The following MUC17 variants were observed in gnomAD, a reference collection of about 807,000 sequenced individuals.
MUC17 encodes mucin-17.
MUC17 carries 190 observed loss-of-function variants against 170.3 expected under a neutral mutation model. The ratio of observed to expected loss-of-function variants is 1.12; its 90% CI spans 0.99 to 1.26. MUC17 has a LOEUF of 1.26. Ranked by LOEUF, MUC17 falls within the 50% of genes most tolerant of loss-of-function variation. MUC17 has a pLI of 0.00. For synonymous variants in MUC17, 2,325 were observed against 2,002.5 expected (o/e 1.16, Z -4.30); for missense variants, 6,415 against 5,530.0 (o/e 1.16, Z -5.08).
At position 101,040,632 on chromosome 7, in the gene MUC17, C is replaced by T. The variant is rs550799591; in HGVS notation, c.9216C>T (p.Asp3072=). Residue 3072 remains aspartate, a synonymous_variant, in exon 3 of 13, where the codon GAC becomes GAT. Transcript: ENST00000306151. ...GCACCCTTTCAACAACTCCTGTTGA[C>T]TCCAACAGTCCTGTGGTCACTTCTA... ...EASTLSTTPV[D]SNSPVVTSTE... 6.2e-7 allele frequency: 1 copy of T among 1,612,132 alleles called. No individual in the cohort carries two copies. The highest frequency in any genetic ancestry group is 2.2e-5 in the East Asian group (1 of 44,844).
In MUC17 at chr7:101,051,868, C is replaced by T. The variant is rs992503348; in HGVS notation, c.13009C>T (p.Pro4337Ser). The T allele has an allele frequency of 1.9e-6, 3 of 1,614,210 alleles. No individual in the cohort carries two copies. The East Asian group carries it at 6.7e-5, about 36-fold the overall frequency. The change falls in exon 9 of 13, where the codon CCA becomes TCA. Residue 4337 changes from proline to serine, a missense_variant. Transcript: ENST00000306151. The stretch of plus-strand genomic sequence containing the variant: ...CGTAGTGGAGTACCGGGACCAGAAG[C>T]CATACTGCATCAGCCCCTGTGAGCC... ...YFVVEYRDQK[P>S]YCISPCEPGF...
In MUC17 at chr7:101,035,245, A is replaced by G; in HGVS notation, c.3829A>G (p.Ser1277Gly). 1 of 1,609,402 alleles carries G rather than the reference A, an allele frequency of 6.2e-7. No homozygotes were observed. Among genetic ancestry groups the G allele is most frequent in the South Asian group, 1.1e-5 (1 of 90,838 alleles). ...GCCAACCTCAACTACTAGTGAAGGA[A>G]GTACTCTATTAACAAGTATACCTGT... ...SLPTSTTSEG[S>G]TLLTSIPVST... Residue 1277 changes from serine (S) to glycine (G), a missense_variant, in exon 3 of 13, where the codon AGT (serine) becomes GGT (glycine). Transcript: ENST00000306151.
rs1472674245 is a variant in MUC17, at chr7:101,036,926, G to C, written c.5510G>C (p.Ser1837Thr). 6 of 1,611,618 alleles carry C rather than the reference G, an allele frequency of 3.7e-6. No individual in the cohort carries two copies. The highest frequency in any genetic ancestry group is 1.7e-4 in the Middle Eastern group (1 of 6,028). The change falls in exon 3 of 13, where the codon AGT becomes ACT. Residue 1837 changes from serine (S) to threonine (T), a missense_variant. By Grantham distance (58) the Ser-to-Thr change is moderately conservative. Transcript: ENST00000306151. ...TLSTTPVDSNSPVVTSTAVSS... is the reference protein window; with the variant it reads ...TLSTTPVDSNTPVVTSTAVSS... ...TCAACAACTCCTGTTGACTCTAACA[G>C]TCCTGTGGTCACTTCTACAGCAGTC...
Position 101,035,279 on chromosome 7 carries a change from C to G in MUC17, c.3863C>G (p.Thr1288Arg). 1 of 1,589,872 alleles carries G rather than the reference C, an allele frequency of 6.3e-7. No homozygotes were observed. The highest frequency in any genetic ancestry group is 8.6e-7 in the Non-Finnish European group (1 of 1,163,520). ...TLLTSIPVST[T>R]LVTSPEASTL... ...TTAACAAGTATACCTGTCAGCACCA[C>G]GCTGGTGACCAGTCCTGAGGCTAGC... The change falls in exon 3 of 13, where the codon ACG becomes AGG. Residue 1288 changes from threonine (T) to arginine (R), a missense_variant. Transcript: ENST00000306151.
rs765153893 is a variant in MUC17, at chr7:101,040,175, T to C, written c.8759T>C (p.Ile2920Thr). The change falls in exon 3 of 13, where the codon ATC becomes ACC. Residue 2920 changes from isoleucine to threonine, a missense_variant. By Grantham distance (89) the Ile-to-Thr change is moderately conservative. Transcript: ENST00000306151. ...PTTAEGTSMP[I>T]STPSEVSTPL... is the part of the protein sequence containing the mutation. ...ACTGCTGAAGGTACCAGCATGCCAA[T>C]CTCAACTCCTAGTGAAGTAAGTACT... The C allele has an allele frequency of 1.9e-6, 3 of 1,611,726 alleles. No homozygotes were observed. The highest frequency in any genetic ancestry group is 1.1e-5 in the South Asian group (1 of 90,968).
In MUC17 at chr7:101,043,136, C is replaced by T; in HGVS notation, c.11720C>T (p.Thr3907Ile). The change falls in exon 3 of 13, where the codon ACC becomes ATC. Residue 3907 changes from threonine to isoleucine, a missense_variant. Coordinates refer to ENST00000306151, the MANE Select transcript of MUC17 (RefSeq NM_001040105.2). ...TPPLDTSTTF[T>I]PSTDTASTPT... ...CCTCTTGACACAAGCACAACTTTTACCCCTTCTACTGACACTGCCTCAACT... is the reference window on the plus strand; with the variant it reads ...CCTCTTGACACAAGCACAACTTTTATCCCTTCTACTGACACTGCCTCAACT... 2 of 1,614,168 alleles carry T rather than the reference C, an allele frequency of 1.2e-6. No homozygotes were observed. The highest frequency in any genetic ancestry group is 1.7e-6 in the Non-Finnish European group (2 of 1,180,020).
At position 101,041,137 on chromosome 7, in the gene MUC17, A is replaced by T. The variant is rs1281158268; in HGVS notation, c.9721A>T (p.Ile3241Phe). The T allele has an allele frequency of 6.2e-7, 1 of 1,613,502 alleles. No homozygotes were observed. The highest frequency in any genetic ancestry group is 8.5e-7 in the Non-Finnish European group (1 of 1,179,916). The change falls in exon 3 of 13, where the codon ATC (isoleucine) becomes TTC (phenylalanine). Residue 3241 changes from isoleucine to phenylalanine, a missense_variant. Coordinates refer to ENST00000306151, the MANE Select transcript of MUC17 (RefSeq NM_001040105.2). The stretch of plus-strand genomic sequence containing the variant: ...GCCGGTGGCCAGTTCTGAGGCTAGC[A>T]TCCTTTCAACAACTCCTGTTGACTC... ...NTPVASSEAS[I>F]LSTTPVDSNT...
In MUC17 at chr7:101,043,069, C is replaced by T. The variant is rs765467931; in HGVS notation, c.11653C>T (p.Leu3885Phe). ...AACAACTCTCCTTGTCAGCACCACA[C>T]TTCCAACTAGCTTTCCTGGGGCCAG... ...PLTTLLVSTT[L>F]PTSFPGASIA... The change falls in exon 3 of 13, where the codon CTT becomes TTT. Residue 3885 changes from leucine (L) to phenylalanine (F), a missense_variant. Leu to Phe is a conservative substitution (Grantham distance 22). Coordinates refer to ENST00000306151, the MANE Select transcript of MUC17 (RefSeq NM_001040105.2). 8 of 1,614,104 alleles carry T rather than the reference C, an allele frequency of 5.0e-6. No individual in the cohort carries two copies. The South Asian group carries it at 8.8e-5, about 18-fold the overall frequency.
At position 101,042,495 on chromosome 7, in the gene MUC17, C is replaced by T. The variant is rs776580694; in HGVS notation, c.11079C>T (p.Ser3693=). Residue 3693 remains serine (S), a synonymous_variant, in exon 3 of 13, where the codon AGC becomes AGT. Transcript: ENST00000306151. The part of the protein sequence containing the change: ...TMPIWTPSEG[S]TPLTTMPVST... ...CAATCTGGACGCCTAGTGAAGGAAGCACTCCATTAACAACTATGCCTGTCA... is the reference window on the plus strand; with the variant it reads ...CAATCTGGACGCCTAGTGAAGGAAGTACTCCATTAACAACTATGCCTGTCA... 180 of 1,613,918 alleles carry T rather than the reference C, an allele frequency of 1.1e-4. No individual in the cohort carries two copies. Among genetic ancestry groups the T allele is most frequent in the Non-Finnish European group, 1.5e-4 (177 of 1,179,998 alleles).
Position 101,047,937 on chromosome 7 carries a change from C to T in MUC17, c.12404-47C>T, listed in dbSNP as rs780939594. On this transcript the variant is annotated intron_variant, in intron 3 of 12. Coordinates refer to ENST00000306151, the MANE Select transcript of MUC17 (RefSeq NM_001040105.2). ...GATCCCTGCTCCTTCCAGTGAGGTG[C>T]CTCAATGGAGGAACTTGGAAAGAAA... 4 of 1,529,694 alleles carry T rather than the reference C, an allele frequency of 2.6e-6. No homozygotes were observed. In the African/African-American group the frequency reaches 5.6e-5, roughly 21 times the overall value. The allele number at this position is 1,529,694 out of a possible 1,614,324, so 94.8% of individuals were successfully genotyped here.
At position 101,037,792 on chromosome 7, in the gene MUC17, C is replaced by T; in HGVS notation, c.6376C>T (p.Pro2126Ser). The change falls in exon 3 of 13, where the codon CCT becomes TCT. Residue 2126 changes from proline (P) to serine (S), a missense_variant. By Grantham distance (74) the Pro-to-Ser change is moderately conservative (BLOSUM62 -1). Transcript: ENST00000306151. ...TGAGGCTAGCACCCTTTCAACAACT[C>T]CTGTTGACTCCAACAGTCCTGTGAT... ...SPEASTLSTT[P>S]VDSNSPVITS... The T allele has an allele frequency of 6.2e-7, 1 of 1,613,116 alleles. No homozygotes were observed.
chr7:101,058,654 A>G lies in MUC17; in HGVS notation c.*610A>G, dbSNP rs1459620908. On this transcript the variant is annotated 3_prime_UTR_variant, in exon 13 of 13. Coordinates refer to ENST00000306151, the MANE Select transcript of MUC17 (RefSeq NM_001040105.2). ...ACACTGGACTGCATGCACTTTACAT[A>G]TCACAAAATGCTCTCATAAGAATTA... 6.6e-6 allele frequency: 1 copy of G among 152,162 alleles called. No homozygotes were observed. Among genetic ancestry groups the G allele is most frequent in the Non-Finnish European group, 1.5e-5 (1 of 68,042 alleles). 9.4% of individuals were successfully genotyped at this position (152,162 alleles called of 1,614,324 possible). A position where few individuals can be genotyped will look rare whatever the true frequency, so the allele number is the denominator to read the frequency against.
intron 12 of MUC17, 78 bp from the exon 13 acceptor site, chr7:101,057,925 T>C (rs1438058313): frequency 8.0e-7 from 1 of 1,250,192 alleles, no homozygotes; most frequent in Non-Finnish European, 1.2e-6. Context: ...ACACTTCCTA[T>C]CCCAATCCTC....
At position 101,037,401 on chromosome 7, in the gene MUC17, G is replaced by A. The variant is rs772395343; in HGVS notation, c.5985G>A (p.Thr1995=). The change falls in exon 3 of 13, where the codon ACG becomes ACA. Residue 1995 remains threonine (T), a synonymous_variant. Transcript: ENST00000306151. ...TAACAAGTATGCCTCTCAGCACCAC[G>A]CTGGTGGTCAGTTCTGAGGCTAGCA... ...TPLTSMPLST[T]LVVSSEASTL... 9 of 1,613,230 alleles carry A rather than the reference G, an allele frequency of 5.6e-6. No homozygotes were observed. The highest frequency in any genetic ancestry group is 5.0e-5 in the Admixed American group (3 of 59,986).
At position 101,036,320 on chromosome 7, in the gene MUC17, G is replaced by A; in HGVS notation, c.4904G>A (p.Ser1635Asn). 3 of 1,613,884 alleles carry A rather than the reference G, an allele frequency of 1.9e-6. No homozygotes were observed. The highest frequency in any genetic ancestry group is 2.5e-6 in the Non-Finnish European group (3 of 1,179,958). Residue 1635 changes from serine (S) to asparagine (N), a missense_variant, in exon 3 of 13, where the codon AGT becomes AAT. Ser to Asn is a conservative substitution (Grantham distance 46). Coordinates refer to ENST00000306151, the MANE Select transcript of MUC17 (RefSeq NM_001040105.2). ...AGTGAAGGAAGTCCTCTATTAACAA[G>A]TATACCTGTCAGCACCACGCCGGTG... ...TPSEGSPLLT[S>N]IPVSTTPVAS... is the part of the protein sequence containing the mutation.
Position 101,039,073 on chromosome 7 carries a change from AG to A in MUC17, c.7658del (p.Ser2553IlefsTer24), listed in dbSNP as rs1794594683. The part of the protein sequence containing the change: ...NSPVVTSTEI[S>X]SSATSAEGTS... Reference sequence around the variant, plus strand: ...TCCTGTGGTCACTTCTACTGAAATCAGTTCATCTGCTACATCCGCTGAAGGT... The same window carrying A: ...TCCTGTGGTCACTTCTACTGAAATCATTCATCTGCTACATCCGCTGAAGGT... On this transcript the variant is annotated frameshift_variant, in exon 3 of 13. Transcript: ENST00000306151. LOFTEE classifies it high-confidence loss of function. The A allele has an allele frequency of 6.2e-7, 1 of 1,613,074 alleles. No individual in the cohort carries two copies. Among genetic ancestry groups the A allele is most frequent in the East Asian group, 2.2e-5 (1 of 44,760 alleles).
At position 101,033,162 on chromosome 7, in the gene MUC17, G is replaced by A. The variant is rs143238633; in HGVS notation, c.1746G>A (p.Val582=). ...ACATGCCTGTCAGCACCAGGCTGGT[G>A]GTCAGTTCTGAGGCTAGCACCACTT... ...LTNMPVSTRL[V]VSSEASTTST... Residue 582 remains valine (V), a synonymous_variant, in exon 3 of 13, where the codon GTG becomes GTA. Transcript: ENST00000306151. The A allele has an allele frequency of 6.0e-4, 960 of 1,612,036 alleles. 9 individuals carry two copies. The African/African-American group carries it at 0.011, about 19-fold the overall frequency.
Position 101,034,420 on chromosome 7 carries a change from A to G in MUC17, c.3004A>G (p.Thr1002Ala). Residue 1002 changes from threonine (T) to alanine (A), a missense_variant, in exon 3 of 13, where the codon ACC (threonine) becomes GCC (alanine). Coordinates refer to ENST00000306151, the MANE Select transcript of MUC17 (RefSeq NM_001040105.2). ...GCTGGTGGCCAATTCTGAGGCTAGCACCCTTTCAACAACTCCTGTTGACTC... is the reference window on the plus strand; with the variant it reads ...GCTGGTGGCCAATTCTGAGGCTAGCGCCCTTTCAACAACTCCTGTTGACTC... Reference protein sequence around the residue: ...HTLVANSEASTLSTTPVDSNT... With the variant: ...HTLVANSEASALSTTPVDSNT... 1 of 1,607,918 alleles carries G rather than the reference A, an allele frequency of 6.2e-7. No individual in the cohort carries two copies. The highest frequency in any genetic ancestry group is 8.5e-7 in the Non-Finnish European group (1 of 1,176,888).
intron 5 of MUC17, 88 bp downstream of exon 5, chr7:101,049,060 C>G (rs4515470): frequency 0.28 from 450,854 of 1,582,126 alleles, 67,794 homozygotes; most frequent in East Asian, 0.57. Flanking sequence ...GGGCTGTTCC[C>G]TTGTTAGATG....
Sources: gnomAD v4.1 joint callset for allele counts on GRCh38, gnomAD v4.1.1 for gene constraint, MANE v1.5 for transcripts, NCBI Gene and HGNC (gene_info 2026-07-23, HGNC 2026-07-21) for gene names.